The following SPNS3 variants were observed in gnomAD, a reference collection of about 807,000 sequenced individuals.
SPNS3 encodes the protein protein spinster homolog 3.
Under a neutral mutation model 54.4 loss-of-function variants are expected in SPNS3, and 51 were observed. The observed-to-expected ratio is 0.94, with a 90% CI of 0.75 to 1.18. The LOEUF is 1.18. Ranked by LOEUF, SPNS3 falls within the 50% of genes most tolerant of loss-of-function variation. SPNS3 has a pLI of 0.00. For missense variants in SPNS3, 669 were observed against 677.4 expected, an observed-to-expected ratio of 0.99 and a Z score of 0.14; for synonymous variants, 309 against 294.7, an observed-to-expected ratio of 1.05 and a Z score of -0.50.
intron 7 of SPNS3, among the ~76,000 whole-genome samples, 179 bp from the exon 8 acceptor site, chr17:4,452,837 G>T (rs75237019): frequency 0.059 from 8,914 of 152,084 alleles, 327 homozygotes; most frequent in Middle Eastern, 0.13. Flanking sequence ...GTCCCTGGGA[G>T]TATCAGTGAG....
chr17:4,451,198 A>G (rs1223429252), intron 7 of SPNS3, among the ~76,000 whole-genome samples: 2 of 151,352 alleles, frequency 1.3e-5, no homozygotes, highest in African/African-American at 4.9e-5. Flanking sequence ...CAGACCTCGC[A>G]CAGCTTGGAA....
chr17:4,470,601 T>G (rs1971830340), intron 8 of SPNS3, among the ~76,000 whole-genome samples: 1 of 152,092 alleles, frequency 6.6e-6, no homozygotes. Context: ...CCATTTCCCT[T>G]CAATCTATCT....
At chr17:4,454,407 A>T (rs1971248621) in intron 8 of SPNS3, among the ~76,000 whole-genome samples, 1 of 152,230 alleles carries the variant, frequency 6.6e-6, no homozygotes, top group Non-Finnish European at 1.5e-5. Flanking sequence ...GCAGACACAG[A>T]TGCGCTTGCA....
rs953833890 is a variant in SPNS3 at position 4,478,487 on chromosome 17, C to G, written c.1114-85C>G. 4.0e-6 allele frequency: 5 copies of G among 1,240,192 alleles called. No homozygotes were observed. The East Asian group carries it at 1.0e-4, about 25-fold the overall frequency. The allele number at this position is 1,240,192 out of a possible 1,614,324, so 76.8% of individuals were successfully genotyped here. A position where few individuals can be genotyped will look rare whatever the true frequency, so the allele number is the denominator to read the frequency against. On this transcript the variant is annotated intron_variant, in intron 8 of 11. Transcript: ENST00000355530. The stretch of plus-strand genomic sequence containing the variant: ...ATGCCTTTCTCTGTAGCGTCCCAGT[C>G]TCTCCTCTCCACAGGTGGGAAGCAA...
intron 7 of SPNS3, among the ~76,000 whole-genome samples, chr17:4,449,963 C>T (rs1325360345): frequency 1.3e-5 from 2 of 152,124 alleles, no homozygotes; most frequent in East Asian, 3.9e-4. Context: ...TGACCCTGTT[C>T]TCCAAGAGCT....
chr17:4,435,799 GC>G (rs1970700849), intron 1 of SPNS3, among the ~76,000 whole-genome samples: 3 of 152,154 alleles, frequency 2.0e-5, no homozygotes, highest in Non-Finnish European at 4.4e-5. Context: ...AGGCGTGGTG[GC>G]TCACGCCTGT....
At chr17:4,440,400 G>T (rs1255044106) in intron 2 of SPNS3, among the ~76,000 whole-genome samples, 1 of 152,154 alleles carries the variant, frequency 6.6e-6, no homozygotes, top group Non-Finnish European at 1.5e-5. Flanking sequence ...AGGCACCGAG[G>T]GTCCTCACAG....
At chr17:4,444,420 A>C in intron 2 of SPNS3, among the ~76,000 whole-genome samples, 1 of 150,806 alleles carries the variant, frequency 6.6e-6, no homozygotes, top group Non-Finnish European at 1.5e-5. Flanking sequence ...ATGGGGTTTC[A>C]CTATGTTGCC....
At position 4,445,085 on chromosome 17, in the gene SPNS3, C is replaced by T. The variant is rs150923668; in HGVS notation, c.319C>T (p.Arg107Ter). The T allele has an allele frequency of 3.8e-3, 6,073 of 1,614,116 alleles. 17 individuals carry two copies. The highest frequency in any genetic ancestry group is 4.7e-3 in the Non-Finnish European group (5,574 of 1,179,990). Residue 107 changes from arginine to a stop codon, truncating the protein, a stop_gained, in exon 3 of 12, where the codon CGA becomes TGA. Transcript: ENST00000355530. LOFTEE classifies it high-confidence loss of function. ...ACCTGTGTTTGGCTACCTGGGCGAC[C>T]GACATAGCCGCAAGGCTACCATGAG... Reference protein sequence around the residue: ...SAPVFGYLGDRHSRKATMSFG... With the variant: ...SAPVFGYLGD
intron 8 of SPNS3, among the ~76,000 whole-genome samples, chr17:4,477,047 G>A (rs888542320): frequency 5.3e-5 from 8 of 152,200 alleles, no homozygotes; most frequent in East Asian, 1.9e-4. Flanking sequence ...TGCCCATCTC[G>A]GGGTGTCCTC....
chr17:4,444,485 A>G (rs571434175), intron 2 of SPNS3, among the ~76,000 whole-genome samples: 3 of 151,944 alleles, frequency 2.0e-5, no homozygotes, highest in South Asian at 4.2e-4. Context: ...AGCCTCCCAA[A>G]GTGCTGGGAT....
At chr17:4,484,239 A>G (rs1245530081) in intron 9 of SPNS3, among the ~76,000 whole-genome samples, 1 of 152,210 alleles carries the variant, frequency 6.6e-6, no homozygotes, top group Non-Finnish European at 1.5e-5. Context: ...GCAGGTGATC[A>G]TCATCTCCCT....
chr17:4,479,375 C>T (rs927176938), intron 9 of SPNS3, among the ~76,000 whole-genome samples: 4 of 152,360 alleles, frequency 2.6e-5, no homozygotes, highest in South Asian at 4.1e-4. Flanking sequence ...CACACCAGCT[C>T]GTGTGTCACA....
In SPNS3 at chr17:4,486,562, C is replaced by T. The variant is rs189214191; in HGVS notation, c.1429C>T (p.Arg477Trp). 1.2e-3 allele frequency: 1,992 copies of T among 1,612,378 alleles called. 2 individuals carry two copies. The highest frequency in any genetic ancestry group is 1.6e-3 in the Non-Finnish European group (1,867 of 1,179,420). Reference protein sequence around the residue: ...TALYLERDETRAWQPVTGTPD... With the variant: ...TALYLERDETWAWQPVTGTPD... ...GCTGTACCTGGAGAGAGACGAGACC[C>T]GGGCCTGGCAGCCTGTCACAGGTAC... Residue 477 changes from arginine (R) to tryptophan (W), a missense_variant, in exon 11 of 12, where the codon CGG becomes TGG. By Grantham distance (101) the Arg-to-Trp change is moderately radical. Coordinates refer to ENST00000355530, the MANE Select transcript of SPNS3 (RefSeq NM_182538.5). The surrounding 1 kb of genome is among the most constrained non-coding windows in gnomAD (Gnocchi z 5.5).
chr17:4,453,422 G>A lies in SPNS3; in HGVS notation c.1113+217G>A, dbSNP rs1971222413. Among the ~76,000 whole-genome samples the A allele has an allele frequency of 2.6e-5, 4 of 152,300 alleles. No homozygotes were observed. In the South Asian group the frequency reaches 8.3e-4, roughly 32 times the overall value. On this transcript the variant is annotated intron_variant, in intron 8 of 11. Transcript: ENST00000355530. ...CTAGCACTTTGGGAGGTCAAGGCCG[G>A]CCTGGCCAATATGGTGAAACCCTGT...
chr17:4,443,054 T>G (rs1354057630), intron 2 of SPNS3, among the ~76,000 whole-genome samples: 2 of 149,058 alleles, frequency 1.3e-5, no homozygotes, highest in Non-Finnish European at 3.0e-5. Context: ...ATATACATAT[T>G]TGTTGTTGTT....
At chr17:4,485,612 T>G (rs1382985174) in intron 9 of SPNS3, among the ~76,000 whole-genome samples, 2 of 152,164 alleles carry the variant, frequency 1.3e-5, no homozygotes, top group Non-Finnish European at 2.9e-5. Flanking sequence ...GCCAGGCTGG[T>G]CTTGACCTCC....
At chr17:4,445,665 C>G (rs1252189542) in intron 3 of SPNS3, among the ~76,000 whole-genome samples, 1 of 152,152 alleles carries the variant, frequency 6.6e-6, no homozygotes, top group African/African-American at 2.4e-5. Context: ...GCGTGAGCCA[C>G]CATGCCTGGC....
intron 3 of SPNS3, 33 bp from the exon 4 acceptor site, chr17:4,446,015 G>T: frequency 1.9e-6 from 3 of 1,571,172 alleles, no homozygotes; most frequent in Non-Finnish European, 2.6e-6. Context: ...GTGATTTCTG[G>T]AACTCACCGT....
Sources: allele counts gnomAD v4.1 joint callset (sites outside exome capture counted in the v4.1 genomes callset), GRCh38; gene constraint gnomAD v4.1.1; non-coding constraint Gnocchi (gnomAD v3.1); transcripts MANE v1.5; gene names NCBI Gene and HGNC (gene_info 2026-07-23, HGNC 2026-07-21).